ARL10: variants seen among roughly 807,000 people sequenced by gnomAD.
ARL10 encodes ARF like GTPase 10.
ARL10 carries 23 observed loss-of-function variants against 26.1 expected under a neutral mutation model. The observed-to-expected ratio is 0.88, with a 90% CI of 0.63 to 1.25. The LOEUF (loss-of-function observed/expected upper bound fraction) is 1.25, where lower values mean the gene tolerates loss of function less well. ARL10 is among the 50% of genes most tolerant of loss of function. The probability of loss-of-function intolerance (pLI) is 0.00; values close to 1 mark genes in which losing one functional copy is unlikely to be tolerated. For synonymous variants in ARL10, 138 were observed against 149.1 expected (o/e 0.93, Z 0.54); for missense variants, 300 against 323.6 (o/e 0.93, Z 0.56).
intron 1 of ARL10, among the ~76,000 whole-genome samples, chr5:176,399,303 C>T (rs1484076465): frequency 6.6e-6 from 1 of 152,208 alleles, no homozygotes; most frequent in East Asian, 1.9e-4. Flanking sequence ...AGATATGCAG[C>T]ATGATCATAG....
At chr5:176,367,911 G>A (rs545077954) in intron 2 of ARL10, 1 of 531,152 alleles carries the variant, frequency 1.9e-6, no homozygotes, top group East Asian at 5.5e-5. Context: ...TTGGTGCAGG[G>A]CCCCTGCTTG....
chr5:176,372,759 T>G lies in ARL10; in HGVS notation c.*864T>G, dbSNP rs957197976. 5.0e-6 allele frequency: 2 copies of G among 397,200 alleles called. No homozygotes were observed. Among genetic ancestry groups the G allele is most frequent in the Non-Finnish European group, 8.9e-6 (2 of 225,448 alleles). The allele number at this position is 397,200 out of a possible 1,614,324, so 24.6% of individuals were successfully genotyped here. A position where few individuals can be genotyped will look rare whatever the true frequency, so the allele number is the denominator to read the frequency against. On this transcript the variant is annotated 3_prime_UTR_variant, in exon 4 of 4. Coordinates refer to ENST00000310389, the MANE Select transcript of ARL10 (RefSeq NM_173664.6). ...GGAGCCTGTGTCCCTGGGACGACAGTCAACTGGAGCTAGGTGTTGACCTCA... is the reference window on the plus strand; with the variant it reads ...GGAGCCTGTGTCCCTGGGACGACAGGCAACTGGAGCTAGGTGTTGACCTCA...
At chr5:176,369,108 C>CA in intron 3 of ARL10, 126 bp downstream of exon 3, 1 of 1,537,120 alleles carries the variant, frequency 6.5e-7, no homozygotes, top group South Asian at 1.2e-5. Flanking sequence ...CCCACCTCTT[C>CA]TACCTATGCC....
chr5:176,379,033 A>C lies in ARL10; in HGVS notation c.*7138A>C, dbSNP rs894162981. 2 of 152,088 alleles carry C rather than the reference A, an allele frequency of 1.3e-5. No homozygotes were observed. Among genetic ancestry groups the C allele is most frequent in the African/African-American group, 4.8e-5 (2 of 41,412 alleles). 9.4% of individuals were successfully genotyped at this position (152,088 alleles called of 1,614,324 possible). ...TCACTCCCTAAAACCAGATCAGATG[A>C]ACCCTTTACCAATCTGGGGGTTGCT... On this transcript the variant is annotated 3_prime_UTR_variant, in exon 4 of 4. Transcript: ENST00000310389.
chr5:176,386,446 C>T, downstream of ARL10: 1 of 305,842 alleles, frequency 3.3e-6, no homozygotes, highest in Non-Finnish European at 6.6e-6. Flanking sequence ...TTTTAGCGTT[C>T]ACTCTCTATA....
At position 176,371,868 on chromosome 5, in the gene ARL10, GAAAC is replaced by G; in HGVS notation, c.709_712del (p.Lys237CysfsTer67). ...AAGAGCCTGGCACCGTGCACATCTG[GAAAC>G]TGCTCTTGGAGCTCCTCTCCTAGGC... On this transcript the variant is annotated frameshift_variant, in exon 4 of 4. Transcript: ENST00000310389. LOFTEE classifies it high-confidence loss of function. 1 of 1,614,188 alleles carries G rather than the reference GAAAC, an allele frequency of 6.2e-7. No individual in the cohort carries two copies. The highest frequency in any genetic ancestry group is 2.2e-5 in the East Asian group (1 of 44,890).
Position 176,379,165 on chromosome 5 carries a change from G to C in ARL10, c.*7270G>C, listed in dbSNP as rs1331057539. The C allele has an allele frequency of 6.6e-6, 1 of 151,976 alleles. No homozygotes were observed. Among genetic ancestry groups the C allele is most frequent in the African/African-American group, 2.4e-5 (1 of 41,352 alleles). 9.4% of individuals were successfully genotyped at this position (151,976 alleles called of 1,614,324 possible). ...CCCAACTATGTTCTTTTTTATGTAT[G>C]TATGTATGTATTTATTTTTTGAGAT... On this transcript the variant is annotated 3_prime_UTR_variant, in exon 4 of 4. Transcript: ENST00000310389.
Position 176,367,345 on chromosome 5 carries a change from C to T in ARL10, c.385+764C>T, listed in dbSNP as rs141207524. 2.5e-3 allele frequency among the ~76,000 whole-genome samples: 375 copies of T among 152,050 alleles called. 2 individuals are homozygous for T. The highest frequency in any genetic ancestry group is 8.5e-3 in the African/African-American group (352 of 41,472). ...TTTTTTTTGGAGACAGGGTCTCTGT[C>T]GCCCAGGCTGGAATGGCAGTGGGCA... On this transcript the variant is annotated intron_variant, in intron 2 of 3. Coordinates refer to ENST00000310389, the MANE Select transcript of ARL10 (RefSeq NM_173664.6).
Position 176,368,866 on chromosome 5 carries a change from C to G in ARL10, c.445C>G (p.Leu149Val), listed in dbSNP as rs1768426788. 1.2e-6 allele frequency: 2 copies of G among 1,614,058 alleles called. No homozygotes were observed. Among genetic ancestry groups the G allele is most frequent in the African/African-American group, 2.7e-5 (2 of 74,936 alleles). The change falls in exon 3 of 4, where the codon CTG (leucine) becomes GTG (valine). Residue 149 changes from leucine to valine, a missense_variant. Leu to Val is a conservative substitution (Grantham distance 32). Coordinates refer to ENST00000310389, the MANE Select transcript of ARL10 (RefSeq NM_173664.6). The surrounding 1 kb of genome is among the most constrained non-coding windows in gnomAD (Gnocchi z 4.1). ...GGAGTTTGTGAGCGAGGTGGATGTG[C>G]TGGTGTTTGTGGTGGACTCGGCTGA... is the stretch of plus-strand genomic sequence containing the variant. ...WKEFVSEVDV[L>V]VFVVDSADRL...
Position 176,365,546 on chromosome 5 carries a change from C to G in ARL10, c.-18C>G, listed in dbSNP as rs564436013. 18 of 1,226,228 alleles carry G rather than the reference C, an allele frequency of 1.5e-5. No individual in the cohort carries two copies. The South Asian group carries it at 6.8e-4, about 46-fold the overall frequency. The allele number at this position is 1,226,228 out of a possible 1,614,324, so 76.0% of individuals were successfully genotyped here. ...GCTCGGCCTGTGCAACCCGCACCTG[C>G]GTCCCTCGCCCGGCCCGATGGCGCC... On this transcript the variant is annotated 5_prime_UTR_variant, in exon 1 of 4. Coordinates refer to ENST00000310389, the MANE Select transcript of ARL10 (RefSeq NM_173664.6).
At chr5:176,397,539 GCCCCCTCATGTCCCCACAGC>G (rs1756597126) in intron 1 of ARL10, 6 of 333,110 alleles carry the variant, frequency 1.8e-5, no homozygotes, top group Non-Finnish European at 2.5e-5. Flanking sequence ...TGTCCCCACG[GCCCCCTCATGTCCCCACAGC>G]CCCCCTCATG....
chr5:176,406,089 C>T (rs1757108275), downstream of ARL10: 13 of 933,622 alleles, frequency 1.4e-5, no homozygotes, highest in Non-Finnish European at 1.7e-5. Context: ...ATTTTCCTGC[C>T]CCTGTCCCCA....
chr5:176,413,819 C>A, the ARL10 span, among the ~76,000 whole-genome samples: 93 of 152,346 alleles, frequency 6.1e-4, 1 homozygote, highest in African/African-American at 2.2e-3. Flanking sequence ...CTCCCTGCTC[C>A]CCGATCCAAC....
chr5:176,371,547 CCGGGGA>C (rs1768543438), intron 3 of ARL10, among the ~76,000 whole-genome samples, 169 bp from the exon 4 acceptor site: 1 of 149,472 alleles, frequency 6.7e-6, no homozygotes, highest in African/African-American at 2.5e-5. Context: ...CCTGATATTC[CCGGGGA>C]TAGCCTAAGA....
downstream of ARL10, chr5:176,389,096 G>T (rs929232670): frequency 3.0e-6 from 4 of 1,332,714 alleles, no homozygotes; most frequent in South Asian, 1.3e-5. Context: ...AGACGAGGGG[G>T]CGGGGCGGTG....
intron 1 of ARL10, chr5:176,388,207 A>G: frequency 6.6e-7 from 1 of 1,520,838 alleles, no homozygotes; most frequent in Non-Finnish European, 9.1e-7. Context: ...TAAAGAAGAC[A>G]AGGACCGAGA....
chr5:176,405,228 A>T (rs1282633149), downstream of ARL10, among the ~76,000 whole-genome samples: 1 of 151,928 alleles, frequency 6.6e-6, no homozygotes, highest in Non-Finnish European at 1.5e-5. Context: ...AGCGGCTCAC[A>T]CCTGTAATCC....
In ARL10 at chr5:176,387,772, C is replaced by A. The variant is rs984442998; in HGVS notation, c.37-523C>A. Among the ~76,000 whole-genome samples the A allele has an allele frequency of 3.3e-5, 5 of 152,148 alleles. 1 individual carries two copies. Among genetic ancestry groups the A allele is most frequent in the Non-Finnish European group, 7.3e-5 (5 of 68,034 alleles). On this transcript the variant is annotated intron_variant, in intron 1 of 1. Coordinates refer to the ARL10 transcript ENST00000503175. ...CAAAAATCAGCCGGGTATGGTGGCA[C>A]ACGCTTATAATCCCAGCTATTTGGG...
At chr5:176,384,064 T>G (rs760629475), downstream of ARL10, 9 of 1,568,720 alleles carry the variant, frequency 5.7e-6, no homozygotes, top group Admixed American at 1.6e-4. Flanking sequence ...CTGAGAACAG[T>G]TCCTTCCCCA....
Sources: allele counts gnomAD v4.1 joint callset (sites outside exome capture counted in the v4.1 genomes callset), GRCh38; gene constraint gnomAD v4.1.1; non-coding constraint Gnocchi (gnomAD v3.1); transcripts MANE v1.5; gene names NCBI Gene and HGNC (gene_info 2026-07-23, HGNC 2026-07-21).